ROS1: variants seen among roughly 807,000 people sequenced by gnomAD.
ROS1 encodes the protein proto-oncogene tyrosine-protein kinase ROS.
Under a neutral mutation model 273.5 loss-of-function variants are expected in ROS1, and 263 were observed. That is an observed-to-expected ratio of 0.96 (90% confidence interval 0.87 to 1.06). The LOEUF is 1.06. ROS1 is among the 50% of genes least tolerant of loss of function. The pLI, the probability that ROS1 is intolerant of heterozygous loss-of-function variation, is 0.00. For missense variants in ROS1, 2,833 were observed against 2,751.1 expected (o/e 1.03, Z -0.67); for synonymous variants, 1,008 against 954.1 (o/e 1.06, Z -1.04).
rs45533035 is a variant in ROS1, at chr6:117,425,756, A to T, written c.-100T>A. On this transcript the variant is annotated 5_prime_UTR_variant, in exon 1 of 44. Transcript: ENST00000368507. ...ATCACTTCAATTGGAGGAGTAGCTG[A>T]TGGATTTTGCTTTGTTTGTTTTGCT... 0.11 allele frequency: 143,180 copies of T among 1,309,620 alleles called. 8,851 individuals carry two copies. The highest frequency in any genetic ancestry group is 0.12 in the Non-Finnish European group (110,287 of 933,116). The allele number at this position is 1,309,620 out of a possible 1,614,324, so 81.1% of individuals were successfully genotyped here.
At chr6:117,307,091 T>A (rs1458187463) in intron 42 of ROS1, among the ~76,000 whole-genome samples, 2 of 152,176 alleles carry the variant, frequency 1.3e-5, no homozygotes, top group Non-Finnish European at 2.9e-5. Context: ...AGGAATACTT[T>A]TCTAGCACTG....
chr6:117,383,052 CAAAAT>C (rs1772278291), intron 17 of ROS1, among the ~76,000 whole-genome samples: 3 of 151,898 alleles, frequency 2.0e-5, no homozygotes, highest in African/African-American at 7.2e-5. Flanking sequence ...TGGGTTCACT[CAAAAT>C]AAAGTAAACA....
At chr6:117,372,266 G>A (rs572265811) in intron 18 of ROS1, among the ~76,000 whole-genome samples, 2 of 152,184 alleles carry the variant, frequency 1.3e-5, no homozygotes, top group East Asian at 1.9e-4. Flanking sequence ...ACAACAAAAA[G>A]AAAGAAAGGG....
At chr6:117,388,105 C>T in intron 13 of ROS1, 113 bp from the exon 14 acceptor site, 1 of 1,492,430 alleles carries the variant, frequency 6.7e-7, no homozygotes, top group Non-Finnish European at 9.1e-7. Context: ...AGCAATTGGG[C>T]AGTAATATCC....
intron 42 of ROS1, among the ~76,000 whole-genome samples, chr6:117,303,563 G>A (rs987337836): frequency 1.3e-5 from 2 of 152,166 alleles, no homozygotes; most frequent in African/African-American, 4.8e-5. Flanking sequence ...CTGAAGTGTG[G>A]TCATTGAGGG....
chr6:117,362,670 T>C lies in ROS1; in HGVS notation c.3299A>G (p.Asn1100Ser), dbSNP rs775158731. The change falls in exon 22 of 44, where the codon AAT (asparagine) becomes AGT (serine). Residue 1100 changes from asparagine (N) to serine (S), a missense_variant. Coordinates refer to ENST00000368507, the MANE Select transcript of ROS1 (RefSeq NM_001378902.1). Reference sequence around the variant, plus strand: ...AAAAGACATCACTGAGGGAGTGACATTGACAGCAATCCAGTCTTCACATGT... The same window carrying C: ...AAAAGACATCACTGAGGGAGTGACACTGACAGCAATCCAGTCTTCACATGT... ...NKTCEDWIAV[N>S]VTPSVMSFQL... 4 of 1,613,418 alleles carry C rather than the reference T, an allele frequency of 2.5e-6. No homozygotes were observed. Among genetic ancestry groups the C allele is most frequent in the East Asian group, 2.2e-5 (1 of 44,870 alleles).
chr6:117,413,678 G>T (rs1775106084), intron 4 of ROS1, among the ~76,000 whole-genome samples: 1 of 152,096 alleles, frequency 6.6e-6, no homozygotes, highest in Admixed American at 6.6e-5. Context: ...AAAGGATTTT[G>T]TTGCACAAGA....
At chr6:117,408,957 C>T (rs1209564796) in intron 5 of ROS1, among the ~76,000 whole-genome samples, 4 of 150,998 alleles carry the variant, frequency 2.6e-5, no homozygotes, top group South Asian at 2.1e-4. Context: ...AGCAAACTAT[C>T]GCGAGGACAA....
chr6:117,345,509 C>T (rs1204078437), intron 27 of ROS1, among the ~76,000 whole-genome samples: 1 of 152,136 alleles, frequency 6.6e-6, no homozygotes, highest in African/African-American at 2.4e-5. Flanking sequence ...TATCTTTGTT[C>T]CACCAGAGCC....
intron 19 of ROS1, 136 bp from the exon 20 acceptor site, chr6:117,365,877 GA>G (rs979905189): frequency 1.1e-6 from 1 of 916,512 alleles, no homozygotes; most frequent in Non-Finnish European, 1.6e-6. Context: ...AACATATCCT[GA>G]AAAAAATCAT....
At chr6:117,385,542 C>T (rs113079650) in intron 16 of ROS1, 141 bp downstream of exon 16, 1 of 736,728 alleles carries the variant, frequency 1.4e-6, no homozygotes, top group South Asian at 2.9e-5. Context: ...GTTTAAGTGA[C>T]TTGGTTTAAA....
chr6:117,291,262 G>C (rs996299690), intron 43 of ROS1, among the ~76,000 whole-genome samples: 1 of 152,082 alleles, frequency 6.6e-6, no homozygotes, highest in Non-Finnish European at 1.5e-5. Flanking sequence ...AATTGTTATA[G>C]TTTGATGATA....
At chr6:117,410,344 T>G (rs1281899524) in intron 4 of ROS1, among the ~76,000 whole-genome samples, 1 of 152,216 alleles carries the variant, frequency 6.6e-6, no homozygotes, top group Non-Finnish European at 1.5e-5. Context: ...GCTTAGGGAT[T>G]ACCTATTTAT....
chr6:117,378,058 A>G (rs1582789774), intron 18 of ROS1, among the ~76,000 whole-genome samples: 4 of 152,166 alleles, frequency 2.6e-5, no homozygotes, highest in South Asian at 2.1e-4. Flanking sequence ...AAGAACCACA[A>G]TTTTCATACA....
At chr6:117,304,913 C>T (rs1774991585) in intron 42 of ROS1, among the ~76,000 whole-genome samples, 1 of 152,068 alleles carries the variant, frequency 6.6e-6, no homozygotes, top group Admixed American at 6.6e-5. Flanking sequence ...GTTTCTTCCT[C>T]TTGCTCCCTC....
intron 17 of ROS1, among the ~76,000 whole-genome samples, chr6:117,380,919 C>T (rs918267423): frequency 6.6e-6 from 1 of 152,032 alleles, no homozygotes; most frequent in African/African-American, 2.4e-5. Context: ...AGTAATTGGG[C>T]CTTTCTATAA....
intron 18 of ROS1, among the ~76,000 whole-genome samples, chr6:117,372,191 C>T (rs1427831357): frequency 6.6e-6 from 1 of 152,144 alleles, no homozygotes; most frequent in Non-Finnish European, 1.5e-5. Flanking sequence ...TGGAACAAGA[C>T]AAGGATGCCC....
At position 117,287,586 on chromosome 6, in the gene ROS1, G is replaced by A. The variant is rs1773527613; in HGVS notation, c.*906C>T. Among the ~76,000 whole-genome samples the A allele has an allele frequency of 6.6e-6, 1 of 152,106 alleles. No individual in the cohort carries two copies. The highest frequency in any genetic ancestry group is 2.1e-4 in the South Asian group (1 of 4,826). ...TTTCAACATGACTGAATCTACTGTT[G>A]TAAGCCTCAAAACTACAAAATATTT... On this transcript the variant is annotated 3_prime_UTR_variant, in exon 44 of 44. Transcript: ENST00000368507.
rs1216078562 is a variant in ROS1, at chr6:117,394,184, A to G, written c.1169T>C (p.Met390Thr). The G allele has an allele frequency of 2.5e-6, 4 of 1,593,028 alleles. No homozygotes were observed. Among genetic ancestry groups the G allele is most frequent in the Non-Finnish European group, 2.6e-6 (3 of 1,171,360 alleles). ...AACCAGTTCATCCATGATGAAATACATTCTTTGATAAAGCCAATCTATGGA... is the reference window on the plus strand; with the variant it reads ...AACCAGTTCATCCATGATGAAATACGTTCTTTGATAAAGCCAATCTATGGA... The part of the protein sequence containing the change: ...SISIDWLYQR[M>T]YFIMDELVCV... The change falls in exon 11 of 44, where the codon ATG (methionine) becomes ACG (threonine). Residue 390 changes from methionine (M) to threonine (T), a missense_variant. Physicochemically the swap from Met to Thr is moderately conservative, Grantham distance 81. Transcript: ENST00000368507.
Sources: gnomAD v4.1 joint callset for allele counts (sites outside exome capture counted in the v4.1 genomes callset) on GRCh38, gnomAD v4.1.1 for gene constraint, MANE v1.5 for transcripts, NCBI Gene and HGNC (gene_info 2026-07-23, HGNC 2026-07-21) for gene names.